LRRC3B: variants seen among roughly 807,000 people sequenced by gnomAD.
The protein encoded by LRRC3B is leucine rich repeat containing 3B.
Under a neutral mutation model 12.8 loss-of-function variants are expected in LRRC3B, and 2 were observed. The observed-to-expected ratio is 0.16, with a 90% confidence interval of 0.06 to 0.49. The LOEUF is 0.49. Among genes scored for constraint, LRRC3B ranks in the 20% least tolerant of loss-of-function variants. LRRC3B has a pLI of 0.96. For missense variants in LRRC3B, 189 were observed against 319.4 expected (o/e 0.59, Z 3.11); for synonymous variants, 132 against 122.0 (o/e 1.08, Z -0.54).
intron 1 of LRRC3B, among the ~76,000 whole-genome samples, chr3:26,653,657 C>G (rs1699310854): frequency 6.6e-6 from 1 of 152,012 alleles, no homozygotes; most frequent in Admixed American, 6.6e-5. Context: ...TTTGAGAACT[C>G]TTGATCATGC....
chr3:26,695,472 A>T lies in LRRC3B; in HGVS notation c.-160-14041A>T, dbSNP rs1228840653. Among the ~76,000 whole-genome samples, 7 of 152,182 alleles carry T rather than the reference A, an allele frequency of 4.6e-5. No homozygotes were observed. The East Asian group carries it at 1.4e-3, about 29-fold the overall frequency. On this transcript the variant is annotated intron_variant, in intron 1 of 1. Coordinates refer to ENST00000396641, the Ensembl canonical transcript of LRRC3B. ...AAACCGGGAGGCGGAGCTTGCAGTGAGCTGAGATCGCGCCACTGCAGTCCA... is the reference window on the plus strand; with the variant it reads ...AAACCGGGAGGCGGAGCTTGCAGTGTGCTGAGATCGCGCCACTGCAGTCCA...
chr3:26,631,585 C>T (rs150914236), intron 1 of LRRC3B, among the ~76,000 whole-genome samples: 1 of 152,042 alleles, frequency 6.6e-6, no homozygotes, highest in Non-Finnish European at 1.5e-5. Context: ...GAGAAGATAA[C>T]AGAATGTCCC....
chr3:26,627,484 G>T (rs1052631598), intron 1 of LRRC3B, among the ~76,000 whole-genome samples: 14 of 152,246 alleles, frequency 9.2e-5, no homozygotes, highest in Non-Finnish European at 1.2e-4. Flanking sequence ...AGTGGAGGAA[G>T]AAAAGAAGAG....
chr3:26,691,103 GTGTA>G (rs1462747493), intron 1 of LRRC3B, among the ~76,000 whole-genome samples: 2 of 44,968 alleles, frequency 4.4e-5, no homozygotes, highest in Non-Finnish European at 8.4e-5. Flanking sequence ...GTGTGTGTGT[GTGTA>G]TATATATATA....
chr3:26,684,134 TC>T (rs1311712522), intron 1 of LRRC3B, among the ~76,000 whole-genome samples: 1 of 152,222 alleles, frequency 6.6e-6, no homozygotes, highest in Non-Finnish European at 1.5e-5. Context: ...ATCTTTATTC[TC>T]CACGTTTTTT....
At chr3:26,697,611 TG>T (rs1303925196) in intron 1 of LRRC3B, among the ~76,000 whole-genome samples, 1 of 152,202 alleles carries the variant, frequency 6.6e-6, no homozygotes, top group Non-Finnish European at 1.5e-5. Context: ...ATCTATCCTC[TG>T]ATTCCGAAAG....
At chr3:26,680,873 C>T (rs1488498330) in intron 1 of LRRC3B, among the ~76,000 whole-genome samples, 2 of 152,088 alleles carry the variant, frequency 1.3e-5, no homozygotes, top group Admixed American at 6.6e-5. Flanking sequence ...GAAAAGCATC[C>T]TAATCTAGAA....
intron 1 of LRRC3B, among the ~76,000 whole-genome samples, chr3:26,629,724 T>C (rs1212676594): frequency 2.0e-5 from 3 of 152,214 alleles, no homozygotes; most frequent in Non-Finnish European, 2.9e-5. Flanking sequence ...TGGTTTTTTA[T>C]TGGGGTGGCT....
Position 26,631,218 on chromosome 3 carries a change from G to T in LRRC3B, c.-161+7981G>T, listed in dbSNP as rs542683647. ...ATCCTGGCCCGATGAACATTCGCTT[G>T]TGTTTTAGCTCCCAGTGGCCCCCTT... On this transcript the variant is annotated intron_variant, in intron 1 of 1. Coordinates refer to ENST00000396641, the Ensembl canonical transcript of LRRC3B. 2.6e-5 allele frequency among the ~76,000 whole-genome samples: 4 copies of T among 152,312 alleles called. No homozygotes were observed. The East Asian group carries it at 7.7e-4, about 29-fold the overall frequency.
At chr3:26,655,190 A>G (rs34173765) in intron 1 of LRRC3B, among the ~76,000 whole-genome samples, 62,244 of 151,894 alleles carry the variant, frequency 0.41, 13,319 homozygotes, top group Middle Eastern at 0.5. Context: ...TTCTTCTTAG[A>G]TACTCTACTG....
At chr3:26,666,105 G>T (rs1462852258) in intron 1 of LRRC3B, among the ~76,000 whole-genome samples, 1 of 151,840 alleles carries the variant, frequency 6.6e-6, no homozygotes, top group Non-Finnish European at 1.5e-5. Context: ...GAGAAAAGAG[G>T]ATTTATGTCC....
chr3:26,694,854 C>T (rs1310426294), intron 1 of LRRC3B: 7 of 152,150 alleles, frequency 4.6e-5, no homozygotes, highest in Admixed American at 4.6e-4. Flanking sequence ...TGCCTCCTGG[C>T]CAATCTCTTT....
chr3:26,676,878 C>G (rs1174236654), intron 1 of LRRC3B, among the ~76,000 whole-genome samples: 2 of 152,188 alleles, frequency 1.3e-5, no homozygotes, highest in Non-Finnish European at 2.9e-5. Context: ...TCCATGAACA[C>G]TGATCTGGCA....
intron 1 of LRRC3B, among the ~76,000 whole-genome samples, chr3:26,708,425 T>C (rs1575185911): frequency 6.6e-6 from 1 of 152,012 alleles, no homozygotes; most frequent in Non-Finnish European, 1.5e-5. Context: ...GTGTGGATAG[T>C]GGAAAGAGTT....
intron 1 of LRRC3B, among the ~76,000 whole-genome samples, chr3:26,693,328 C>CAAAAAAAAAAAAAA: frequency 1.0e-5 from 1 of 96,122 alleles, no homozygotes; most frequent in Non-Finnish European, 2.6e-5. Context: ...AACTCCGTCT[C>CAAAAAAAAAAAAAA]AAAAAAAAAA....
intron 1 of LRRC3B, among the ~76,000 whole-genome samples, chr3:26,673,887 T>A (rs1311700538): frequency 6.6e-6 from 1 of 152,162 alleles, no homozygotes; most frequent in African/African-American, 2.4e-5. Context: ...TTGAAATTGG[T>A]CCCTGGTTTG....
At chr3:26,678,924 C>A (rs1051570494) in intron 1 of LRRC3B, among the ~76,000 whole-genome samples, 4 of 152,156 alleles carry the variant, frequency 2.6e-5, no homozygotes, top group African/African-American at 9.7e-5. Context: ...ATTCCTCTAA[C>A]CTCAGATCTT....
intron 1 of LRRC3B, among the ~76,000 whole-genome samples, chr3:26,632,512 G>C (rs191502037): frequency 6.6e-6 from 1 of 152,066 alleles, no homozygotes. Context: ...TCTGTATCTC[G>C]GGCGATGGCG....
At chr3:26,673,705 C>T (rs1699800162) in intron 1 of LRRC3B, among the ~76,000 whole-genome samples, 1 of 152,150 alleles carries the variant, frequency 6.6e-6, no homozygotes, top group Non-Finnish European at 1.5e-5. Context: ...GTCATATGCC[C>T]TGTGAGATCC....
Sources: gnomAD v4.1 joint callset for allele counts (sites outside exome capture counted in the v4.1 genomes callset) on GRCh38, gnomAD v4.1.1 for gene constraint, MANE v1.5 for transcripts, NCBI Gene and HGNC (gene_info 2026-07-23, HGNC 2026-07-21) for gene names.